Variants in SLC10A6 observed in about 807,000 individuals in gnomAD.
SLC10A6 encodes solute carrier family 10 member 6.
In SLC10A6, 27 loss-of-function variants were observed where a neutral mutation model predicts 30.0. The observed-to-expected ratio is 0.90, with a 90% CI of 0.66 to 1.24. SLC10A6 has a LOEUF of 1.24. Among genes scored for constraint, SLC10A6 ranks in the 50% most tolerant of loss-of-function variants. The probability of loss-of-function intolerance (pLI) is 0.00; values close to 1 mark genes in which losing one functional copy is unlikely to be tolerated. For synonymous variants in SLC10A6, 166 were observed against 173.8 expected, an observed-to-expected ratio of 0.95 and a Z score of 0.36; for missense variants, 439 against 457.0, an observed-to-expected ratio of 0.96 and a Z score of 0.36.
At chr4:86,825,310 A>C in intron 5 of SLC10A6, 110 bp downstream of exon 5, 5 of 1,016,540 alleles carry the variant, frequency 4.9e-6, no homozygotes, top group Non-Finnish European at 7.1e-6. Context: ...AGGCTTTCAA[A>C]AAGTGTATCA....
At chr4:86,833,266 C>T (rs10050311) in intron 2 of SLC10A6, 40 bp downstream of exon 2, 216,497 of 1,428,856 alleles carry the variant, frequency 0.15, 17,982 homozygotes, top group East Asian at 0.3. Context: ...AGTATCATCA[C>T]CATTACTGTT....
chr4:86,838,156 G>T (rs1746230830), intron 1 of SLC10A6, among the ~76,000 whole-genome samples: 1 of 152,176 alleles, frequency 6.6e-6, no homozygotes, highest in South Asian at 2.1e-4. Context: ...CTCACTCATT[G>T]CTGGTAAAAA....
Position 86,833,361 on chromosome 4 carries a change from G to A in SLC10A6, c.441C>T (p.Leu147=). 6.2e-7 allele frequency: 1 copy of A among 1,614,138 alleles called. No individual in the cohort carries two copies. The highest frequency in any genetic ancestry group is 8.5e-7 in the Non-Finnish European group (1 of 1,180,002). Residue 147 remains leucine (L), a synonymous_variant, in exon 2 of 6, where the codon CTC becomes CTT. Coordinates refer to ENST00000273905, the MANE Select transcript of SLC10A6 (RefSeq NM_197965.3). The part of the protein sequence containing the change: ...ALGMMPLCIY[L]YTWSWSLQQN... ...GCTGAAGACTCCAGGACCAGGTGTA[G>A]AGATAAATGCAGAGTGGCATCATTC...
chr4:86,823,470 T>C lies in SLC10A6; in HGVS notation c.*218A>G, dbSNP rs746290510. 2.1e-6 allele frequency: 1 copy of C among 476,030 alleles called. No homozygotes were observed. Among genetic ancestry groups the C allele is most frequent in the Non-Finnish European group, 3.7e-6 (1 of 271,702 alleles). The allele number at this position is 476,030 out of a possible 1,614,324, so 29.5% of individuals were successfully genotyped here. A position where few individuals can be genotyped will look rare whatever the true frequency, so the allele number is the denominator to read the frequency against. On this transcript the variant is annotated 3_prime_UTR_variant, in exon 6 of 6. Transcript: ENST00000273905. ...AGACAAGAACATACAAGGCAGCTCA[T>C]TGATACGTTATGTTAACCCCCAGAA...
intron 1 of SLC10A6, among the ~76,000 whole-genome samples, chr4:86,834,420 A>C (rs1340947326): frequency 1.3e-5 from 2 of 152,226 alleles, no homozygotes; most frequent in Admixed American, 1.3e-4. Flanking sequence ...ATGGGCTAAG[A>C]CAAGGTTTAT....
At chr4:86,836,343 C>T (rs1746184520) in intron 1 of SLC10A6, among the ~76,000 whole-genome samples, 1 of 152,202 alleles carries the variant, frequency 6.6e-6, no homozygotes, top group Non-Finnish European at 1.5e-5. Flanking sequence ...CTGCTATGGT[C>T]TGAATGTGTC....
At position 86,823,678 on chromosome 4, in the gene SLC10A6, C is replaced by T; in HGVS notation, c.*10G>A. The stretch of plus-strand genomic sequence containing the variant: ...AAAAGAAGGGGGCCAGTCCAGCCAG[C>T]TAGTCCCTGCTATTCACATGAAGTG... On this transcript the variant is annotated 3_prime_UTR_variant, in exon 6 of 6. Coordinates refer to ENST00000273905, the MANE Select transcript of SLC10A6 (RefSeq NM_197965.3). 6.3e-7 allele frequency: 1 copy of T among 1,578,528 alleles called. No individual in the cohort carries two copies. Among genetic ancestry groups the T allele is most frequent in the East Asian group, 2.2e-5 (1 of 44,492 alleles).
intron 3 of SLC10A6, 111 bp downstream of exon 3, chr4:86,831,681 C>T: frequency 2.4e-6 from 2 of 825,346 alleles, no homozygotes; most frequent in Non-Finnish European, 4.0e-6. Flanking sequence ...AGAAGAATTT[C>T]TGGGTGTGGG....
At chr4:86,845,318 T>C (rs1746375431) in intron 1 of SLC10A6, among the ~76,000 whole-genome samples, 1 of 152,198 alleles carries the variant, frequency 6.6e-6, no homozygotes, top group Non-Finnish European at 1.5e-5. Context: ...GTGTGAGATA[T>C]GCTCAGAGAA....
Position 86,837,281 on chromosome 4 carries a change from A to AAGAAAGAAAGAAAGAAAGAAAGAGAG in SLC10A6, c.378-3858_378-3857insCTCTCTTTCTTTCTTTCTTTCTTTCT, listed in dbSNP as rs34533020. Among the ~76,000 whole-genome samples, 13 of 90,400 alleles carry AAGAAAGAAAGAAAGAAAGAAAGAGAG rather than the reference A, an allele frequency of 1.4e-4. 2 individuals are homozygous for AAGAAAGAAAGAAAGAAAGAAAGAGAG. The highest frequency in any genetic ancestry group is 6.6e-4 in the African/African-American group (13 of 19,784). 59.3% of individuals were successfully genotyped at this position (90,400 alleles called of 152,430 possible). Reference sequence around the variant, plus strand: ...AAAGAAAGAAAGAAAGAAAGAAAGAAAGAAAAAGAAAGGAAGGAAGGAAGG... The same window carrying AAGAAAGAAAGAAAGAAAGAAAGAGAG: ...AAAGAAAGAAAGAAAGAAAGAAAGAAAGAAAGAAAGAAAGAAAGAAAGAGAGAGAAAAAGAAAGGAAGGAAGGAAGG... On this transcript the variant is annotated intron_variant, in intron 1 of 5. Transcript: ENST00000273905.
At chr4:86,842,899 GCT>G (rs1746330544) in intron 1 of SLC10A6, among the ~76,000 whole-genome samples, 1 of 117,724 alleles carries the variant, frequency 8.5e-6, no homozygotes, top group African/African-American at 3.1e-5. Context: ...ATGGAGTCTC[GCT>G]CTGTCACTTG....
At chr4:86,834,371 A>C (rs1746144987) in intron 1 of SLC10A6, among the ~76,000 whole-genome samples, 1 of 152,184 alleles carries the variant, frequency 6.6e-6, no homozygotes, top group Non-Finnish European at 1.5e-5. Flanking sequence ...TTTTATTTAG[A>C]AATTACCTAC....
In SLC10A6 at chr4:86,825,481, C is replaced by T. The variant is rs749123760; in HGVS notation, c.858G>A (p.Met286Ile). The change falls in exon 5 of 6, where the codon ATG becomes ATA. Residue 286 changes from methionine to isoleucine, a missense_variant. Coordinates refer to ENST00000273905, the MANE Select transcript of SLC10A6 (RefSeq NM_197965.3). ...GTCCATAGGCCAGTGGGAAACTCAA[C>T]ATCTGGACCAAGTGCTCAGCAGTGA... ...LSFTAEHLVQ[M>I]LSFPLAYGLF... 1 of 1,613,146 alleles carries T rather than the reference C, an allele frequency of 6.2e-7. No individual in the cohort carries two copies. Among genetic ancestry groups the T allele is most frequent in the South Asian group, 1.1e-5 (1 of 90,982 alleles).
intron 1 of SLC10A6, among the ~76,000 whole-genome samples, chr4:86,843,632 G>A (rs772169181): frequency 6.6e-6 from 1 of 152,054 alleles, no homozygotes; most frequent in Non-Finnish European, 1.5e-5. Flanking sequence ...GTCCGTTGAT[G>A]GATGAATAGA....
chr4:86,823,862 T>A lies in SLC10A6; in HGVS notation c.960A>T (p.Gly320=), dbSNP rs750130200. The A allele has an allele frequency of 6.2e-7, 1 of 1,613,598 alleles. No individual in the cohort carries two copies. Among genetic ancestry groups the A allele is most frequent in the Non-Finnish European group, 8.5e-7 (1 of 1,179,768 alleles). ...CTTCTGTGCAACCTGAGTTCTTTTT[T>A]CCATGTTTGTTCTTCAATCTCCTCT... The part of the protein sequence containing the change: ...TYKRRLKNKH[G]KKNSGCTEVC... Residue 320 remains glycine (G), a synonymous_variant, in exon 6 of 6, where the codon GGA becomes GGT. Transcript: ENST00000273905.
chr4:86,844,766 G>T (rs570217605), intron 1 of SLC10A6, among the ~76,000 whole-genome samples: 5 of 152,224 alleles, frequency 3.3e-5, no homozygotes, highest in Middle Eastern at 3.4e-3. Context: ...TAAAGGAAAG[G>T]GATTTGATTG....
chr4:86,834,991 C>T (rs1746155847), intron 1 of SLC10A6, among the ~76,000 whole-genome samples: 1 of 152,098 alleles, frequency 6.6e-6, no homozygotes, highest in Non-Finnish European at 1.5e-5. Context: ...TGGCATTAAC[C>T]ATTCATGAGA....
chr4:86,831,933 A>G (rs2149411276), intron 2 of SLC10A6, 53 bp from the exon 3 acceptor site: 1 of 1,393,674 alleles, frequency 7.2e-7, no homozygotes, highest in East Asian at 2.4e-5. Flanking sequence ...CTGACTGCAC[A>G]GTACTTCCCA....
At position 86,832,590 on chromosome 4, in the gene SLC10A6, C is replaced by CA. The variant is rs33997087; in HGVS notation, c.497-711dup. Among the ~76,000 whole-genome samples, 784 of 132,666 alleles carry CA rather than the reference C, an allele frequency of 5.9e-3. 2 individuals are homozygous for CA. The highest frequency in any genetic ancestry group is 9.6e-3 in the African/African-American group (368 of 38,236). The allele number at this position is 132,666 out of a possible 152,430, so 87.0% of individuals were successfully genotyped here. A position where few individuals can be genotyped will look rare whatever the true frequency, so the allele number is the denominator to read the frequency against. On this transcript the variant is annotated intron_variant, in intron 2 of 5. Transcript: ENST00000273905. The stretch of plus-strand genomic sequence containing the variant: ...TGAGTGACAGAGCAAAACTCTGTCT[C>CA]AAAAAAAAAAAACAAAAAAACATAG...
Sources: gnomAD v4.1 joint callset for allele counts (sites outside exome capture counted in the v4.1 genomes callset) on GRCh38, gnomAD v4.1.1 for gene constraint, MANE v1.5 for transcripts, NCBI Gene and HGNC (gene_info 2026-07-23, HGNC 2026-07-21) for gene names.